The following TANC2 variants were observed in gnomAD, a reference collection of about 807,000 sequenced individuals.
TANC2 encodes tetratricopeptide repeat, ankyrin repeat and coiled-coil containing 2.
TANC2 carries 26 observed loss-of-function variants against 210.5 expected under a neutral mutation model. The ratio of observed to expected loss-of-function variants is 0.12; its 90% CI spans 0.09 to 0.17. The LOEUF (loss-of-function observed/expected upper bound fraction) is 0.17. Among genes scored for constraint, TANC2 ranks in the 10% least tolerant of loss-of-function variants. The probability of loss-of-function intolerance (pLI) is 1.00; values close to 1 mark genes in which losing one functional copy is unlikely to be tolerated. For missense variants in TANC2, 2,129 were observed against 2,608.9 expected, an observed-to-expected ratio of 0.82 and a Z score of 4.01; for synonymous variants, 931 against 967.1, an observed-to-expected ratio of 0.96 and a Z score of 0.69.
At chr17:63,156,308 C>A (rs995282082) in intron 5 of TANC2, among the ~76,000 whole-genome samples, 7 of 151,696 alleles carry the variant, frequency 4.6e-5, no homozygotes, top group African/African-American at 1.7e-4. Context: ...TAAGTAAAAA[C>A]TTGCTACATG....
At chr17:63,018,974 T>G (rs1208853007) in intron 2 of TANC2, among the ~76,000 whole-genome samples, 1 of 152,182 alleles carries the variant, frequency 6.6e-6, no homozygotes, top group Non-Finnish European at 1.5e-5. Context: ...TGTTTCCAAT[T>G]TGTGCTATTT....
At chr17:63,320,179 T>G (rs1039432229) in intron 11 of TANC2, among the ~76,000 whole-genome samples, 2 of 152,186 alleles carry the variant, frequency 1.3e-5, no homozygotes, top group South Asian at 4.1e-4. Context: ...TTCCTAGGGG[T>G]TTATGAAATG....
At chr17:63,154,385 C>T (rs2039764772) in intron 5 of TANC2, 1 of 152,022 alleles carries the variant, frequency 6.6e-6, no homozygotes, top group Non-Finnish European at 1.5e-5. Context: ...GATTTAAAAG[C>T]AGAAAATTCA....
At chr17:63,274,679 A>T (rs2043818828) in intron 9 of TANC2, among the ~76,000 whole-genome samples, 1 of 152,068 alleles carries the variant, frequency 6.6e-6, no homozygotes, top group African/African-American at 2.4e-5. Context: ...TTAGCCAGGC[A>T]TGGTGGCGTG....
intron 8 of TANC2, among the ~76,000 whole-genome samples, chr17:63,249,742 C>T (rs1422351317): frequency 1.3e-5 from 2 of 152,094 alleles, no homozygotes; most frequent in South Asian, 2.1e-4. Flanking sequence ...GCAGTCAGAA[C>T]GTTGGCTTTA....
At chr17:63,382,272 T>C (rs1423507926) in intron 15 of TANC2, among the ~76,000 whole-genome samples, 1 of 152,208 alleles carries the variant, frequency 6.6e-6, no homozygotes, top group Non-Finnish European at 1.5e-5. Context: ...TTGACATTCA[T>C]TTACCAAGGT....
At chr17:63,307,348 T>C (rs1271531158) in intron 9 of TANC2, among the ~76,000 whole-genome samples, 1 of 152,190 alleles carries the variant, frequency 6.6e-6, no homozygotes, top group Non-Finnish European at 1.5e-5. Context: ...TTAATTCTTA[T>C]TTTATGAGCT....
intron 2 of TANC2, among the ~76,000 whole-genome samples, chr17:63,030,533 C>T (rs2034726855): frequency 6.6e-6 from 1 of 152,110 alleles, no homozygotes; most frequent in African/African-American, 2.4e-5. Context: ...CTAATCCCTT[C>T]TTGGGTCCCT....
At chr17:63,382,681 C>T (rs2047650443) in intron 15 of TANC2, among the ~76,000 whole-genome samples, 1 of 152,076 alleles carries the variant, frequency 6.6e-6, no homozygotes, top group Non-Finnish European at 1.5e-5. Context: ...TCTCTTTTAC[C>T]CCATTTCTCT....
chr17:63,247,299 C>T (rs2042943697), intron 8 of TANC2, among the ~76,000 whole-genome samples: 1 of 151,492 alleles, frequency 6.6e-6, no homozygotes, highest in African/African-American at 2.4e-5. Context: ...AATTTTTTTT[C>T]TGATAGACCA....
At chr17:63,197,677 T>A (rs536102524) in intron 6 of TANC2, 1 of 152,332 alleles carries the variant, frequency 6.6e-6, no homozygotes, top group South Asian at 2.1e-4. Context: ...CCTTATGAAT[T>A]TCCTCTTTAG....
chr17:63,043,112 A>T (rs1481824940), intron 2 of TANC2, among the ~76,000 whole-genome samples: 2 of 152,092 alleles, frequency 1.3e-5, no homozygotes. Context: ...AAAATTGTTG[A>T]TAGGCTTGGT....
chr17:63,239,158 A>AG (rs374974053), intron 8 of TANC2, among the ~76,000 whole-genome samples: 10 of 152,102 alleles, frequency 6.6e-5, no homozygotes, highest in African/African-American at 2.4e-4. Context: ...TAAAAAAAAA[A>AG]AAAAAAGAAA....
intron 1 of TANC2, among the ~76,000 whole-genome samples, chr17:62,994,591 G>A (rs116633567): frequency 0.029 from 4,436 of 152,064 alleles, 78 homozygotes; most frequent in South Asian, 0.037. Flanking sequence ...TTTGTCAGAT[G>A]CTTTTTCTGT....
chr17:63,203,024 A>G (rs1009756661), intron 7 of TANC2, among the ~76,000 whole-genome samples: 2 of 152,082 alleles, frequency 1.3e-5, no homozygotes, highest in Non-Finnish European at 2.9e-5. Flanking sequence ...CTCCTCTACC[A>G]TTTGTACAAA....
chr17:63,355,124 G>A, exon 14 of TANC2: 1 of 1,613,884 alleles, frequency 6.2e-7, no homozygotes, highest in East Asian at 2.2e-5. Flanking sequence ...TCCCAACCCA[G>A]TCTTCCTTTG....
At chr17:63,351,466 C>T in intron 13 of TANC2, 50 bp downstream of exon 13, 1 of 1,466,254 alleles carries the variant, frequency 6.8e-7, no homozygotes, top group Non-Finnish European at 9.0e-7. Flanking sequence ...TTGGAAAGAG[C>T]TTAGACTGAA....
rs540225542 is a variant in TANC2 at position 63,327,751 on chromosome 17, TAAAAA to T, written c.1575+8666_1575+8670del. On this transcript the variant is annotated intron_variant, in intron 11 of 27. Coordinates refer to ENST00000689528, the Ensembl canonical transcript of TANC2. ...ACACCATGGAATACTGTGCAGCCAT[TAAAAA>T]AAAAGAATGAAATCATTCATGGTTT... Among the ~76,000 whole-genome samples the T allele has an allele frequency of 5.0e-3, 752 of 150,506 alleles. 8 individuals are homozygous for T. The highest frequency in any genetic ancestry group is 0.017 in the African/African-American group (717 of 41,144).
intron 6 of TANC2, among the ~76,000 whole-genome samples, chr17:63,198,074 A>G (rs1032130755): frequency 6.6e-6 from 1 of 152,232 alleles, no homozygotes; most frequent in Non-Finnish European, 1.5e-5. Flanking sequence ...CTTAACCTCC[A>G]CATTGTCTAT....
Sources: allele counts gnomAD v4.1 joint callset (sites outside exome capture counted in the v4.1 genomes callset), GRCh38; gene constraint gnomAD v4.1.1; transcripts MANE v1.5; gene names NCBI Gene and HGNC (gene_info 2026-07-23, HGNC 2026-07-21).